The following NFATC3 variants were observed in gnomAD, a reference collection of about 807,000 sequenced individuals.
NFATC3 encodes the protein nuclear factor of activated T cells 3, also known as nuclear factor of activated T-cells, cytoplasmic 3.
In NFATC3, 46 loss-of-function variants were observed where a neutral mutation model predicts 98.6. The ratio of observed to expected loss-of-function variants is 0.47; its 90% confidence interval spans 0.37 to 0.60. The LOEUF (loss-of-function observed/expected upper bound fraction) is 0.60. Among genes scored for constraint, NFATC3 ranks in the 20% least tolerant of loss-of-function variants. The probability of loss-of-function intolerance (pLI) is 0.00; values close to 1 mark genes in which losing one functional copy is unlikely to be tolerated. For missense variants in NFATC3, 1,256 were observed against 1,295.5 expected (o/e 0.97, Z 0.47); for synonymous variants, 512 against 472.2 (o/e 1.08, Z -1.09).
chr16:68,158,136 TA>T, intron 4 of NFATC3, 68 bp downstream of exon 4: 1 of 918,174 alleles, frequency 1.1e-6, no homozygotes, highest in East Asian at 2.7e-5. Flanking sequence ...AAAGTAAATA[TA>T]TTTTTGAATA....
intron 3 of NFATC3, among the ~76,000 whole-genome samples, chr16:68,140,084 C>T (rs1300426975): frequency 3.3e-5 from 5 of 152,180 alleles, no homozygotes; most frequent in Non-Finnish European, 7.3e-5. Context: ...GCAACCTCTG[C>T]CTCCCAGGTT....
chr16:68,226,668 C>G lies in NFATC3; in HGVS notation c.*197C>G. 2.1e-6 allele frequency: 1 copy of G among 470,216 alleles called. No homozygotes were observed. The highest frequency in any genetic ancestry group is 3.6e-6 in the Non-Finnish European group (1 of 281,324). The allele number at this position is 470,216 out of a possible 1,614,324, so 29.1% of individuals were successfully genotyped here. Reference sequence around the variant, plus strand: ...ACAGGAGCAGCATAGGCTGTTTGAGCTTTGGGGAAATGAACTTTGCTTTTT... The same window carrying G: ...ACAGGAGCAGCATAGGCTGTTTGAGGTTTGGGGAAATGAACTTTGCTTTTT... On this transcript the variant is annotated 3_prime_UTR_variant, in exon 10 of 10. Coordinates refer to ENST00000346183, the MANE Select transcript of NFATC3 (RefSeq NM_173165.3).
chr16:68,086,936 C>A, intron 1 of NFATC3: 2 of 319,922 alleles, frequency 6.3e-6, no homozygotes, highest in Non-Finnish European at 9.0e-6. Flanking sequence ...TTACGTCGAA[C>A]CACTCTTACG....
At chr16:68,086,119 C>T (rs929282678) in intron 1 of NFATC3, among the ~76,000 whole-genome samples, 3 of 152,150 alleles carry the variant, frequency 2.0e-5, no homozygotes, top group African/African-American at 7.2e-5. Flanking sequence ...AAATGTTGTC[C>T]CTGTGAATTG....
chr16:68,131,172 A>C (rs184875255), intron 3 of NFATC3, among the ~76,000 whole-genome samples: 1 of 152,012 alleles, frequency 6.6e-6, no homozygotes, highest in East Asian at 1.9e-4. Flanking sequence ...TGTTTTTTCT[A>C]TTTCTATGAA....
intron 3 of NFATC3, among the ~76,000 whole-genome samples, chr16:68,151,156 C>G (rs1272251009): frequency 6.6e-6 from 1 of 151,660 alleles, no homozygotes; most frequent in Non-Finnish European, 1.5e-5. Context: ...GAGTTCAAGA[C>G]CAGCTTAAGC....
intron 9 of NFATC3, among the ~76,000 whole-genome samples, chr16:68,193,386 C>A (rs1366181520): frequency 6.6e-6 from 1 of 152,036 alleles, no homozygotes; most frequent in Non-Finnish European, 1.5e-5. Flanking sequence ...CCTGTGGAAC[C>A]CACATGTAAG....
intron 9 of NFATC3, among the ~76,000 whole-genome samples, chr16:68,196,749 T>A (rs2040691176): frequency 6.6e-6 from 1 of 151,890 alleles, no homozygotes; most frequent in Non-Finnish European, 1.5e-5. Context: ...AAAATTAAAA[T>A]GGCTGGGCGC....
At chr16:68,153,195 T>TG (rs2038430125) in intron 3 of NFATC3, among the ~76,000 whole-genome samples, 1 of 152,008 alleles carries the variant, frequency 6.6e-6, no homozygotes, top group Non-Finnish European at 1.5e-5. Context: ...CCAGGGCAGG[T>TG]GGATCACCTG....
intron 3 of NFATC3, among the ~76,000 whole-genome samples, chr16:68,155,244 T>C (rs1345910038): frequency 1.3e-5 from 2 of 152,168 alleles, no homozygotes; most frequent in Non-Finnish European, 2.9e-5. Flanking sequence ...AGGAGGCTAC[T>C]ATACCAAGGA....
At chr16:68,221,419 C>G (rs1173223101) in intron 9 of NFATC3, 3 of 1,427,482 alleles carry the variant, frequency 2.1e-6, no homozygotes, top group Non-Finnish European at 2.8e-6. Context: ...GTTCTGACTC[C>G]CTAGCCTAAA....
chr16:68,109,558 G>A (rs2035837524), intron 1 of NFATC3, among the ~76,000 whole-genome samples: 1 of 152,130 alleles, frequency 6.6e-6, no homozygotes, highest in Admixed American at 6.6e-5. Flanking sequence ...ATCTCTTTCA[G>A]GTTTTGGTAT....
intron 6 of NFATC3, among the ~76,000 whole-genome samples, chr16:68,176,438 G>T (rs1005231315): frequency 6.6e-6 from 1 of 150,656 alleles, no homozygotes. Flanking sequence ...AATGTTTTAA[G>T]ACTGATCCAT....
chr16:68,132,990 G>A (rs756076513), intron 3 of NFATC3, among the ~76,000 whole-genome samples: 7 of 152,194 alleles, frequency 4.6e-5, no homozygotes, highest in Middle Eastern at 3.2e-3. Context: ...TTGTGGCGGG[G>A]CGCAGTGGCT....
chr16:68,149,664 AG>A (rs2038214695), intron 3 of NFATC3, among the ~76,000 whole-genome samples: 1 of 152,222 alleles, frequency 6.6e-6, no homozygotes, highest in Admixed American at 6.5e-5. Flanking sequence ...AACAGTGAAA[AG>A]GGTTACAAAT....
rs1055612300 is a variant in NFATC3 at position 68,164,003 on chromosome 16, G to A, written c.1602-2840G>A. Among the ~76,000 whole-genome samples the A allele has an allele frequency of 2.8e-4, 42 of 151,904 alleles. 1 individual carries two copies. The highest frequency in any genetic ancestry group is 2.2e-3 in the Admixed American group (34 of 15,248). On this transcript the variant is annotated intron_variant, in intron 4 of 9. Transcript: ENST00000346183. ...CTCCTCACTTCCCAGACGGGGTGGC[G>A]GCCGGGCAGAGGCTGCAATCTCGGC...
chr16:68,173,085 T>TA (rs1051121289), intron 5 of NFATC3, among the ~76,000 whole-genome samples: 2 of 150,238 alleles, frequency 1.3e-5, no homozygotes, highest in African/African-American at 4.9e-5. Context: ...AGTGAGACCC[T>TA]ATCTCTACAA....
At chr16:68,116,948 T>C (rs1352461581) in intron 1 of NFATC3, among the ~76,000 whole-genome samples, 1 of 152,232 alleles carries the variant, frequency 6.6e-6, no homozygotes, top group Non-Finnish European at 1.5e-5. Context: ...TCTGGATGAC[T>C]TCAAGGTGCT....
chr16:68,152,625 C>T (rs1159758218), intron 3 of NFATC3, among the ~76,000 whole-genome samples: 7 of 152,170 alleles, frequency 4.6e-5, no homozygotes, highest in Admixed American at 3.3e-4. Flanking sequence ...GAATGATCCT[C>T]CTGCCTCAGT....
Sources: allele counts gnomAD v4.1 joint callset (sites outside exome capture counted in the v4.1 genomes callset), GRCh38; gene constraint gnomAD v4.1.1; transcripts MANE v1.5; gene names NCBI Gene and HGNC (gene_info 2026-07-23, HGNC 2026-07-21).